CTNNA2: variants seen among roughly 807,000 people sequenced by gnomAD.
The protein encoded by CTNNA2 is catenin alpha-2.
A neutral mutation model predicts 101.0 loss-of-function variants in CTNNA2; 42 were observed. The observed-to-expected ratio is 0.42, with a 90% CI of 0.32 to 0.54. The LOEUF (loss-of-function observed/expected upper bound fraction) is 0.54, where lower values mean the gene tolerates loss of function less well. Among genes scored for constraint, CTNNA2 ranks in the 20% least tolerant of loss-of-function variants. The probability of loss-of-function intolerance (pLI) is 0.14; values close to 1 mark genes in which losing one functional copy is unlikely to be tolerated. For missense variants in CTNNA2, 871 were observed against 1,223.1 expected, an observed-to-expected ratio of 0.71 and a Z score of 4.29; for synonymous variants, 450 against 456.4, an observed-to-expected ratio of 0.99 and a Z score of 0.18.
chr2:79,632,827 A>T (rs1180219101), intron 1 of CTNNA2, among the ~76,000 whole-genome samples: 1 of 152,160 alleles, frequency 6.6e-6, no homozygotes, highest in Non-Finnish European at 1.5e-5. Flanking sequence ...AACCAGCACA[A>T]TTTTTCTGTA....
intron 7 of CTNNA2, among the ~76,000 whole-genome samples, chr2:80,294,139 A>C (rs1450912418): frequency 2.0e-5 from 3 of 152,166 alleles, no homozygotes; most frequent in Non-Finnish European, 1.5e-5. Flanking sequence ...TTTAGAAGAG[A>C]CATTTCTCAG....
intron 3 of CTNNA2, among the ~76,000 whole-genome samples, chr2:79,802,681 T>C (rs1676260271): frequency 6.6e-6 from 1 of 152,242 alleles, no homozygotes; most frequent in Admixed American, 6.5e-5. Context: ...AAAAAAAGAC[T>C]TGGAAGATTA....
intron 2 of CTNNA2, among the ~76,000 whole-genome samples, chr2:79,718,050 C>G (rs1686223592): frequency 6.6e-6 from 1 of 152,054 alleles, no homozygotes; most frequent in Non-Finnish European, 1.5e-5. Context: ...TCTGGATAAA[C>G]TCTTGGGTCA....
At chr2:79,381,399 C>T (rs758397331) in intron 4 of CTNNA2, among the ~76,000 whole-genome samples, 17 of 152,168 alleles carry the variant, frequency 1.1e-4, no homozygotes, top group South Asian at 6.2e-4. Flanking sequence ...ACTTTTGTTA[C>T]GATTCATACT....
chr2:79,591,898 T>A (rs1416058519), intron 1 of CTNNA2, among the ~76,000 whole-genome samples: 1 of 115,808 alleles, frequency 8.6e-6, no homozygotes, highest in Non-Finnish European at 1.8e-5. Context: ...TTGTTTCTTT[T>A]GAAAAAAAAA....
chr2:80,175,374 G>T (rs1705326440), intron 7 of CTNNA2, among the ~76,000 whole-genome samples: 2 of 151,986 alleles, frequency 1.3e-5, no homozygotes, highest in Non-Finnish European at 2.9e-5. Flanking sequence ...GATCTACTTT[G>T]GCAGGATACG....
intron 3 of CTNNA2, among the ~76,000 whole-genome samples, chr2:79,345,883 C>G (rs998831687): frequency 7.9e-5 from 10 of 126,454 alleles, no homozygotes; most frequent in African/African-American, 2.7e-4. Context: ...TTTTTTAATA[C>G]AGATGGGGGT....
At chr2:79,961,621 G>T (rs1034434077) in intron 7 of CTNNA2, among the ~76,000 whole-genome samples, 39 of 152,110 alleles carry the variant, frequency 2.6e-4, no homozygotes, top group Non-Finnish European at 5.1e-4. Context: ...AGGAGATAGA[G>T]ACCATCCTGG....
At chr2:79,281,896 G>C (rs12470852) in intron 2 of CTNNA2, among the ~76,000 whole-genome samples, 80,979 of 152,042 alleles carry the variant, frequency 0.53, 23,715 homozygotes, top group East Asian at 0.7. Context: ...TATATATCCA[G>C]AAAATAACAA....
rs572716423 is a variant in CTNNA2, at chr2:79,308,025, T to G, written c.-405-4684T>G. Among the ~76,000 whole-genome samples, 3 of 152,254 alleles carry G rather than the reference T, an allele frequency of 2.0e-5. No individual in the cohort carries two copies. The East Asian group carries it at 5.8e-4, about 29-fold the overall frequency. ...CATATGGATGTCTTCTTTTGAGAAA[T>G]GTCTATTCAGATGATTTGTCCATTT... On this transcript the variant is annotated intron_variant, in intron 2 of 21. Coordinates refer to the CTNNA2 transcript ENST00000466387.
intron 2 of CTNNA2, among the ~76,000 whole-genome samples, chr2:79,286,704 A>G (rs1045882064): frequency 6.6e-6 from 1 of 151,826 alleles, no homozygotes; most frequent in Admixed American, 6.6e-5. Context: ...CCTTCATTTC[A>G]ACTTTGGTGA....
chr2:79,414,804 A>G (rs1678459348), intron 4 of CTNNA2, among the ~76,000 whole-genome samples: 1 of 152,014 alleles, frequency 6.6e-6, no homozygotes, highest in Admixed American at 6.6e-5. Flanking sequence ...ATTAACCACC[A>G]CACAGGGGAG....
At chr2:79,379,299 G>A (rs188083659) in intron 4 of CTNNA2, among the ~76,000 whole-genome samples, 10 of 152,202 alleles carry the variant, frequency 6.6e-5, no homozygotes, top group East Asian at 3.9e-4. Flanking sequence ...AATGACATGC[G>A]TTATGAATGT....
At chr2:80,591,455 C>CTTTTTTTTTTTT (rs1553401282) in intron 15 of CTNNA2, among the ~76,000 whole-genome samples, 1 of 57,572 alleles carries the variant, frequency 1.7e-5, no homozygotes, top group African/African-American at 6.0e-5. Flanking sequence ...TCTGCACAGC[C>CTTTTTTTTTTTT]TGTTTTTTTT....
chr2:79,774,037 A>G (rs1476815504), intron 3 of CTNNA2, among the ~76,000 whole-genome samples: 1 of 152,138 alleles, frequency 6.6e-6, no homozygotes, highest in Non-Finnish European at 1.5e-5. Context: ...TTCTCTCATC[A>G]AGAAATCAAA....
intron 9 of CTNNA2, among the ~76,000 whole-genome samples, chr2:80,447,347 A>C (rs1253318085): frequency 2.0e-5 from 3 of 152,142 alleles, no homozygotes; most frequent in Non-Finnish European, 4.4e-5. Context: ...CAAGAATATC[A>C]CTTGTTTTTA....
At chr2:80,550,358 G>T (rs1476137064) in intron 11 of CTNNA2, among the ~76,000 whole-genome samples, 1 of 152,176 alleles carries the variant, frequency 6.6e-6, no homozygotes, top group Non-Finnish European at 1.5e-5. Flanking sequence ...GGTGGTTCCT[G>T]TGTGGTTCCT....
intron 7 of CTNNA2, among the ~76,000 whole-genome samples, chr2:80,340,545 A>C (rs1363656785): frequency 3.3e-5 from 5 of 152,218 alleles, no homozygotes. Context: ...ATGAAAGAGA[A>C]ACAACAAGGC....
intron 7 of CTNNA2, among the ~76,000 whole-genome samples, chr2:79,944,576 C>T (rs1250206166): frequency 2.6e-5 from 4 of 152,106 alleles, no homozygotes; most frequent in South Asian, 4.1e-4. Context: ...CCACAAAGTA[C>T]AGTGCAGTGT....
Sources: allele counts gnomAD v4.1 joint callset (sites outside exome capture counted in the v4.1 genomes callset), GRCh38; gene constraint gnomAD v4.1.1; transcripts MANE v1.5; gene names NCBI Gene and HGNC (gene_info 2026-07-23, HGNC 2026-07-21).